The following SH3KBP1 variants were observed in gnomAD, a reference collection of about 807,000 sequenced individuals.
SH3KBP1 encodes SH3 domain-containing kinase-binding protein 1.
In SH3KBP1, 8 loss-of-function variants were observed where a neutral mutation model predicts 50.1. The ratio of observed to expected loss-of-function variants is 0.16; its 90% CI spans 0.09 to 0.29. The LOEUF (loss-of-function observed/expected upper bound fraction) is 0.29. Ranked by LOEUF, SH3KBP1 falls within the 10% of genes least tolerant of loss-of-function variation. SH3KBP1 has a pLI of 1.00. For synonymous variants in SH3KBP1, 227 were observed against 218.6 expected (o/e 1.04, Z -0.34); for missense variants, 377 against 535.2 (o/e 0.70, Z 2.92).
In SH3KBP1 at chrX:19,845,209, T is replaced by C. The variant is rs779545918; in HGVS notation, c.5-8927A>G. On this transcript the variant is annotated intron_variant, in intron 1 of 17. Transcript: ENST00000397821. ...AGGTTAAAAAACAGGCCGGGCACGG[T>C]GGCTCAAGCCTGTAATCCCAGCACC... Among the ~76,000 whole-genome samples, 26 of 111,274 alleles carry C rather than the reference T, an allele frequency of 2.3e-4. No individual in the cohort carries two copies. In the East Asian group the frequency reaches 7.1e-3, roughly 31 times the overall value.
chrX:19,701,623 G>T (rs1231813226), intron 4 of SH3KBP1, among the ~76,000 whole-genome samples: 2 of 111,794 alleles, frequency 1.8e-5, no homozygotes, highest in Middle Eastern at 4.7e-3. Context: ...ATTCTACAAA[G>T]CATCTTCTTC....
At chrX:19,811,459 C>T (rs1056687338) in intron 2 of SH3KBP1, among the ~76,000 whole-genome samples, 6 of 111,719 alleles carry the variant, frequency 5.4e-5, no homozygotes, top group Non-Finnish European at 9.4e-5. Context: ...GAAAGCAAAT[C>T]CCACTGGACC....
Position 19,534,553 on chromosome X carries a change from C to T in SH3KBP1, c.*1864G>A. The T allele has an allele frequency of 4.6e-6, 1 of 217,400 alleles. No individual in the cohort carries two copies. Among genetic ancestry groups the T allele is most frequent in the Non-Finnish European group, 8.3e-6 (1 of 120,154 alleles). 17.9% of individuals were successfully genotyped at this position (217,400 alleles called of 1,213,427 possible). ...GGTCGTGGGGAATCTCTGGAATCTT[C>T]AAGTTTAACGCAGAAATGCTTATAA... On this transcript the variant is annotated 3_prime_UTR_variant, in exon 18 of 18. Coordinates refer to ENST00000397821, the MANE Select transcript of SH3KBP1 (RefSeq NM_031892.3).
chrX:19,541,644 C>T (rs1292282048), intron 16 of SH3KBP1, among the ~76,000 whole-genome samples: 3 of 112,649 alleles, frequency 2.7e-5, no homozygotes, highest in African/African-American at 9.7e-5. Flanking sequence ...TCTTAGCAGC[C>T]TGCTGAGAGC....
At chrX:19,548,781 G>A (rs1376103555) in intron 14 of SH3KBP1, among the ~76,000 whole-genome samples, 1 of 107,663 alleles carries the variant, frequency 9.3e-6, no homozygotes, top group African/African-American at 3.4e-5. Context: ...GAGGTTATAA[G>A]GACTTAGACT....
At chrX:19,565,926 C>CT (rs377522104) in intron 13 of SH3KBP1, among the ~76,000 whole-genome samples, 21,074 of 97,748 alleles carry the variant, frequency 0.22, 1,978 homozygotes, top group African/African-American at 0.28. Context: ...TTTTGGAGAC[C>CT]TTTTTTTTTT....
intron 13 of SH3KBP1, among the ~76,000 whole-genome samples, chrX:19,554,127 TATC>T (rs1165511846): frequency 2.6e-5 from 2 of 75,950 alleles, no homozygotes; most frequent in Non-Finnish European, 4.5e-5. Context: ...TAATATTATA[TATC>T]ATATTAAAAT....
chrX:19,713,813 A>C (rs936436880), intron 3 of SH3KBP1, among the ~76,000 whole-genome samples: 3 of 111,819 alleles, frequency 2.7e-5, no homozygotes, highest in Non-Finnish European at 3.8e-5. Context: ...TTATTCTTTC[A>C]ATCTAACTGT....
chrX:19,672,041 T>G (rs2062810591), intron 6 of SH3KBP1, among the ~76,000 whole-genome samples: 1 of 112,344 alleles, frequency 8.9e-6, no homozygotes, highest in Admixed American at 9.4e-5. Flanking sequence ...TTAAATAAGA[T>G]GCTGTCCCAG....
At chrX:19,701,707 T>C (rs1023815984) in intron 4 of SH3KBP1, among the ~76,000 whole-genome samples, 2 of 112,210 alleles carry the variant, frequency 1.8e-5, no homozygotes, top group Admixed American at 1.9e-4. Flanking sequence ...TCTGGTAACA[T>C]CTTGGGTTGA....
chrX:19,684,439 T>C (rs2063123992), intron 5 of SH3KBP1, among the ~76,000 whole-genome samples: 1 of 111,767 alleles, frequency 8.9e-6, no homozygotes, highest in Admixed American at 9.5e-5. Flanking sequence ...CTATGACTCA[T>C]GTCAATTAGC....
intron 1 of SH3KBP1, among the ~76,000 whole-genome samples, chrX:19,847,189 C>T (rs747103201): frequency 6.3e-5 from 7 of 111,430 alleles, no homozygotes; most frequent in Non-Finnish European, 1.1e-4. Flanking sequence ...ACAGTGAATC[C>T]TCACTGCTTT....
At chrX:19,774,660 AAGAAAGAAAGAAAGAAAGAAAG>A (rs747738914) in intron 2 of SH3KBP1, among the ~76,000 whole-genome samples, 10,687 of 66,320 alleles carry the variant, frequency 0.16, 631 homozygotes, top group African/African-American at 0.32. Context: ...AAAAAAAAGA[AAGAAAGAAAGAAAGAAAGAAAG>A]AAAGAAAGAA....
intron 1 of SH3KBP1, among the ~76,000 whole-genome samples, chrX:19,867,295 A>G (rs1465559791): frequency 2.7e-5 from 3 of 111,153 alleles, no homozygotes; most frequent in African/African-American, 9.8e-5. Context: ...GTGCTTCAGG[A>G]AGCAGCCAAG....
At chrX:19,587,059 C>T (rs2066590706) in intron 12 of SH3KBP1, among the ~76,000 whole-genome samples, 1 of 109,693 alleles carries the variant, frequency 9.1e-6, no homozygotes, top group African/African-American at 3.3e-5. Context: ...CCAGTCTCTA[C>T]TAAAAATACA....
chrX:19,804,082 G>C (rs1432045027), intron 2 of SH3KBP1, among the ~76,000 whole-genome samples: 1 of 112,026 alleles, frequency 8.9e-6, no homozygotes, highest in African/African-American at 3.2e-5. Context: ...TGAGGCAGGA[G>C]AATCAGTTGA....
chrX:19,665,116 G>C (rs970223171), intron 6 of SH3KBP1, among the ~76,000 whole-genome samples: 7 of 111,767 alleles, frequency 6.3e-5, no homozygotes, highest in Non-Finnish European at 1.1e-4. Flanking sequence ...ACCCAACTAA[G>C]AATTCAAAAT....
intron 7 of SH3KBP1, among the ~76,000 whole-genome samples, chrX:19,637,848 G>A (rs905540264): frequency 9.1e-6 from 1 of 109,726 alleles, no homozygotes; most frequent in Non-Finnish European, 1.9e-5. Context: ...GGAGGCCGAG[G>A]CAGGCAGATC....
intron 1 of SH3KBP1, among the ~76,000 whole-genome samples, chrX:19,867,419 C>T (rs965367244): frequency 2.7e-5 from 3 of 111,988 alleles, no homozygotes; most frequent in African/African-American, 6.5e-5. Context: ...AGATGTCTCA[C>T]GAACCCCCCT....
Sources: allele counts gnomAD v4.1 joint callset (sites outside exome capture counted in the v4.1 genomes callset), GRCh38; gene constraint gnomAD v4.1.1; transcripts MANE v1.5; gene names NCBI Gene and HGNC (gene_info 2026-07-23, HGNC 2026-07-21).